Variants in SYNE1 observed in about 807,000 individuals in gnomAD.
SYNE1 encodes nesprin-1.
A neutral mutation model predicts 1,111.0 loss-of-function variants in SYNE1; 616 were observed. The observed-to-expected ratio is 0.55, with a 90% confidence interval of 0.52 to 0.59. The LOEUF (loss-of-function observed/expected upper bound fraction) is 0.59. Among genes scored for constraint, SYNE1 ranks in the 20% least tolerant of loss-of-function variants. The pLI is 0.00. For synonymous variants in SYNE1, 3,855 were observed against 3,825.8 expected, an observed-to-expected ratio of 1.01 and a Z score of -0.28; for missense variants, 10,006 against 10,417.0, an observed-to-expected ratio of 0.96 and a Z score of 1.72.
At chr6:152,269,601 C>G (rs919607209) in intron 98 of SYNE1, among the ~76,000 whole-genome samples, 3 of 152,132 alleles carry the variant, frequency 2.0e-5, no homozygotes, top group Middle Eastern at 3.2e-3. Context: ...AAACATAACT[C>G]AAGATCCTTT....
rs2099642240 is a variant in SYNE1 at position 152,615,145 on chromosome 6, A to G, written c.67+13120T>C. Among the ~76,000 whole-genome samples the G allele has an allele frequency of 2.6e-5, 4 of 152,178 alleles. No individual in the cohort carries two copies. The South Asian group carries it at 8.3e-4, about 31-fold the overall frequency. On this transcript the variant is annotated intron_variant, in intron 3 of 145. Coordinates refer to ENST00000367255, the MANE Select transcript of SYNE1 (RefSeq NM_182961.4). Reference sequence around the variant, plus strand: ...AAAAAAGAAAGATTTTTTTCCATCAAAATTATGAAATTGTATAACTCTTTC... The same window carrying G: ...AAAAAAGAAAGATTTTTTTCCATCAGAATTATGAAATTGTATAACTCTTTC...
intron 3 of SYNE1, among the ~76,000 whole-genome samples, chr6:152,594,025 CCT>C (rs1020651666): frequency 1.3e-5 from 2 of 152,102 alleles, no homozygotes; most frequent in Non-Finnish European, 2.9e-5. Context: ...TCCCCCACCC[CCT>C]GCCTCCGCCC....
At position 152,331,378 on chromosome 6, in the gene SYNE1, C is replaced by T. The variant is rs1405025412; in HGVS notation, c.13307G>A (p.Cys4436Tyr). 6.2e-7 allele frequency: 1 copy of T among 1,614,172 alleles called. No homozygotes were observed. Among genetic ancestry groups the T allele is most frequent in the Non-Finnish European group, 8.5e-7 (1 of 1,180,032 alleles). ...TCGCTGGCCCACTAAGTCACTGAGA[C>T]AATTCACGTGGCTTTGTGCATCAGA... Reference protein sequence around the residue: ...ALSDAQSHVNCLSDLVGQRRK... With the variant: ...ALSDAQSHVNYLSDLVGQRRK... Residue 4436 changes from cysteine to tyrosine, a missense_variant, in exon 78 of 146, where the codon TGT becomes TAT. Cys to Tyr is a radical substitution (Grantham distance 194, BLOSUM62 -2). Around this residue, in one of 7 missense-constraint regions of SYNE1, gnomAD observed 4,955 missense variants for 5,017.2 expected, o/e 0.99. Transcript: ENST00000367255.
intron 6 of SYNE1, among the ~76,000 whole-genome samples, chr6:152,516,960 A>G (rs1469225636): frequency 6.6e-6 from 1 of 152,220 alleles, no homozygotes; most frequent in East Asian, 1.9e-4. Flanking sequence ...GGGTGAGCAG[A>G]AAGAAGAGAA....
At chr6:152,195,562 A>G (rs1473471139) in intron 127 of SYNE1, among the ~76,000 whole-genome samples, 1 of 152,208 alleles carries the variant, frequency 6.6e-6, no homozygotes, top group African/African-American at 2.4e-5. Context: ...CTGATAGAGG[A>G]ACCACCTTGG....
At chr6:152,436,132 C>T in intron 32 of SYNE1, 31 bp from the exon 33 acceptor site, 1 of 1,609,968 alleles carries the variant, frequency 6.2e-7, no homozygotes, top group Non-Finnish European at 8.5e-7. Flanking sequence ...ATTAGGTAGG[C>T]ACTTTATATT....
intron 135 of SYNE1, 87 bp from the exon 136 acceptor site, chr6:152,149,755 A>G: frequency 8.4e-7 from 1 of 1,187,102 alleles, no homozygotes; most frequent in Non-Finnish European, 1.2e-6. Context: ...TTCTCATTAC[A>G]TTAAAAAAGA....
chr6:152,153,653 C>T (rs915774900), intron 133 of SYNE1, among the ~76,000 whole-genome samples: 1 of 152,188 alleles, frequency 6.6e-6, no homozygotes, highest in Non-Finnish European at 1.5e-5. Flanking sequence ...CACTAGCATT[C>T]ATTCACATCG....
intron 43 of SYNE1, 52 bp from the exon 44 acceptor site, chr6:152,409,278 G>GT: frequency 6.4e-7 from 1 of 1,562,908 alleles, no homozygotes; most frequent in Non-Finnish European, 8.8e-7. Context: ...TAAGTCATGA[G>GT]TTTAAAACCA....
At chr6:152,176,352 A>G in intron 130 of SYNE1, 42 bp downstream of exon 130, 1 of 1,612,958 alleles carries the variant, frequency 6.2e-7, no homozygotes, top group Non-Finnish European at 8.5e-7. Context: ...AAGGCTTTAA[A>G]ATACTGCCCA....
chr6:152,139,964 T>C lies in SYNE1; in HGVS notation c.25444A>G (p.Ile8482Val), dbSNP rs1192371861. The change falls in exon 140 of 146, where the codon ATC (isoleucine) becomes GTC (valine). Residue 8482 changes from isoleucine (I) to valine (V), a missense_variant. Physicochemically the swap from Ile to Val is conservative, Grantham distance 29. Around this residue, in one of 7 missense-constraint regions of SYNE1, gnomAD observed 761 missense variants for 795.5 expected, o/e 0.96. Coordinates refer to ENST00000367255, the MANE Select transcript of SYNE1 (RefSeq NM_182961.4). ...STDIQTIELQIKKLKELQKAV... is the reference protein window; with the variant it reads ...STDIQTIELQVKKLKELQKAV... ...GGGGCAGCTACCTTGAGCTTTTTGA[T>C]CTGGAGCTCGATGGTCTGGATGTCA... The C allele has an allele frequency of 6.2e-7, 1 of 1,613,674 alleles. No homozygotes were observed. Among genetic ancestry groups the C allele is most frequent in the South Asian group, 1.1e-5 (1 of 91,052 alleles).
intron 120 of SYNE1, among the ~76,000 whole-genome samples, chr6:152,218,609 A>G (rs895202982): frequency 6.6e-6 from 1 of 152,240 alleles, no homozygotes; most frequent in Non-Finnish European, 1.5e-5. Context: ...AATTATTTCT[A>G]TGCACCATAA....
At chr6:152,521,483 C>G (rs1294955179) in intron 5 of SYNE1, among the ~76,000 whole-genome samples, 2 of 152,098 alleles carry the variant, frequency 1.3e-5, no homozygotes, top group Non-Finnish European at 1.5e-5. Context: ...AAAAATAATC[C>G]TGCTAATCTG....
At chr6:152,577,526 G>T (rs986054217) in intron 3 of SYNE1, among the ~76,000 whole-genome samples, 2 of 152,060 alleles carry the variant, frequency 1.3e-5, no homozygotes, top group African/African-American at 4.8e-5. Flanking sequence ...GCAGCTACTC[G>T]GGAGGCTGAG....
Position 152,586,488 on chromosome 6 carries a change from C to T in SYNE1, c.67+41777G>A, listed in dbSNP as rs151151647. On this transcript the variant is annotated intron_variant, in intron 3 of 145. Transcript: ENST00000367255. ...AGTTAATTCCTTTATGTCTTCCAGTCATACATTGATAATATATGTAACTAA... is the reference window on the plus strand; with the variant it reads ...AGTTAATTCCTTTATGTCTTCCAGTTATACATTGATAATATATGTAACTAA... Among the ~76,000 whole-genome samples the T allele has an allele frequency of 4.3e-4, 66 of 152,224 alleles. No homozygotes were observed. In the East Asian group the frequency reaches 0.012, roughly 27 times the overall value.
intron 3 of SYNE1, among the ~76,000 whole-genome samples, chr6:152,551,620 A>G (rs574537636): frequency 6.6e-6 from 1 of 152,326 alleles, no homozygotes. Flanking sequence ...CATGAAATAT[A>G]TTAGTATATT....
intron 139 of SYNE1, 66 bp downstream of exon 139, chr6:152,141,137 G>C: frequency 6.2e-7 from 1 of 1,609,678 alleles, no homozygotes; most frequent in Non-Finnish European, 8.5e-7. Flanking sequence ...GTGGAATTTC[G>C]CTGTTAACAA....
chr6:152,531,120 T>G (rs2099198128), intron 4 of SYNE1, among the ~76,000 whole-genome samples: 1 of 152,088 alleles, frequency 6.6e-6, no homozygotes, highest in Non-Finnish European at 1.5e-5. Context: ...AAAGTGCAAG[T>G]GTACTGATGC....
chr6:152,428,490 C>A, intron 36 of SYNE1, 98 bp from the exon 37 acceptor site: 2 of 1,186,294 alleles, frequency 1.7e-6, no homozygotes, highest in South Asian at 2.5e-5. Flanking sequence ...TTCCCTCAGT[C>A]ATAATAAACA....
Sources: allele counts gnomAD v4.1 joint callset (sites outside exome capture counted in the v4.1 genomes callset), GRCh38; gene constraint gnomAD v4.1.1; regional missense constraint gnomAD v4.1.1; transcripts MANE v1.5; gene names NCBI Gene and HGNC (gene_info 2026-07-23, HGNC 2026-07-21).